The following CSMD1 variants were observed in gnomAD, a reference collection of about 807,000 sequenced individuals.
The protein encoded by CSMD1 is CUB and sushi domain-containing protein 1.
A neutral mutation model predicts 417.5 loss-of-function variants in CSMD1; 213 were observed. The observed-to-expected ratio is 0.51, with a 90% CI of 0.46 to 0.57. CSMD1 has a LOEUF of 0.57. CSMD1 is among the 20% of genes least tolerant of loss of function. The pLI is 0.00. For missense variants in CSMD1, 6,923 were observed against 4,529.7 expected (o/e 1.53, Z -15.17); for synonymous variants, 2,862 against 1,736.8 (o/e 1.65, Z -16.11).
intron 4 of CSMD1, among the ~76,000 whole-genome samples, chr8:4,025,746 G>A (rs957331759): frequency 6.6e-6 from 1 of 152,138 alleles, no homozygotes; most frequent in Non-Finnish European, 1.5e-5. Context: ...CATTTTTAAT[G>A]TCAATGTGAT....
At chr8:4,047,422 A>G (rs1798203811) in intron 3 of CSMD1, among the ~76,000 whole-genome samples, 1 of 152,200 alleles carries the variant, frequency 6.6e-6, no homozygotes, top group Non-Finnish European at 1.5e-5. Flanking sequence ...ATAAATTGAA[A>G]TTAAAATGGC....
chr8:3,151,556 C>T, intron 39 of CSMD1, 43 bp from the exon 40 acceptor site: 2 of 1,293,478 alleles, frequency 1.5e-6, no homozygotes, highest in East Asian at 4.8e-5. Context: ...TCCTCACTTT[C>T]TCCCTGGAAT....
intron 2 of CSMD1, among the ~76,000 whole-genome samples, chr8:4,604,410 T>TGTGTGTGC (rs59349269): frequency 1.8e-4 from 26 of 146,152 alleles, no homozygotes; most frequent in African/African-American, 5.8e-4. Context: ...TGTGTGTGTG[T>TGTGTGTGC]GCGCGTGCGT....
At chr8:3,386,224 T>G (rs986377940) in intron 18 of CSMD1, among the ~76,000 whole-genome samples, 1 of 152,206 alleles carries the variant, frequency 6.6e-6, no homozygotes, top group Non-Finnish European at 1.5e-5. Flanking sequence ...ATTCAGAAAC[T>G]TAGCAGAAAG....
chr8:3,726,317 C>T (rs1029191451), intron 6 of CSMD1, among the ~76,000 whole-genome samples: 2 of 152,200 alleles, frequency 1.3e-5, no homozygotes, highest in Non-Finnish European at 2.9e-5. Context: ...CACCTTTCTT[C>T]ATTAGGCCAA....
intron 3 of CSMD1, among the ~76,000 whole-genome samples, chr8:4,180,956 G>A (rs944735495): frequency 1.3e-5 from 2 of 151,998 alleles, no homozygotes; most frequent in African/African-American, 4.8e-5. Context: ...ATTAAGCCGG[G>A]GATGATGCTG....
At chr8:4,661,201 C>G (rs1038945248) in intron 1 of CSMD1, among the ~76,000 whole-genome samples, 2 of 152,152 alleles carry the variant, frequency 1.3e-5, no homozygotes, top group African/African-American at 2.4e-5. Flanking sequence ...TAAGCAAAAA[C>G]TGAAACAGCC....
chr8:4,992,688 G>A (rs1484999576), intron 1 of CSMD1, among the ~76,000 whole-genome samples: 5 of 152,212 alleles, frequency 3.3e-5, no homozygotes, highest in Non-Finnish European at 7.3e-5. Flanking sequence ...GTCCAGTGCT[G>A]ACCAGAGGCC....
chr8:4,715,892 T>C (rs1187166062), intron 1 of CSMD1, among the ~76,000 whole-genome samples: 1 of 152,232 alleles, frequency 6.6e-6, no homozygotes, highest in African/African-American at 2.4e-5. Context: ...GGCTCTGTCC[T>C]GGTTCCTCTA....
chr8:4,150,819 G>C (rs549633083), intron 3 of CSMD1, among the ~76,000 whole-genome samples: 58 of 152,184 alleles, frequency 3.8e-4, no homozygotes, highest in African/African-American at 1.3e-3. Context: ...GTTGGGAGAA[G>C]ACAGGGAGGG....
intron 7 of CSMD1, among the ~76,000 whole-genome samples, chr8:3,670,114 T>G (rs2117517208): frequency 6.6e-6 from 1 of 152,100 alleles, no homozygotes; most frequent in Non-Finnish European, 1.5e-5. Flanking sequence ...GTGTTGATCC[T>G]GGGTGTGTCT....
At chr8:3,781,536 T>G (rs1204015745) in intron 5 of CSMD1, among the ~76,000 whole-genome samples, 5 of 152,162 alleles carry the variant, frequency 3.3e-5, no homozygotes, top group Admixed American at 6.5e-5. Context: ...ATATATGGTC[T>G]ATCTGCTTAC....
chr8:3,756,806 T>TTA, intron 5 of CSMD1, among the ~76,000 whole-genome samples: 1 of 152,204 alleles, frequency 6.6e-6, no homozygotes, highest in South Asian at 2.1e-4. Flanking sequence ...GAATTTTTTT[T>TTA]TTTTCTTGAG....
At chr8:3,119,479 T>C (rs924628423) in intron 41 of CSMD1, among the ~76,000 whole-genome samples, 3 of 151,824 alleles carry the variant, frequency 2.0e-5, no homozygotes, top group Non-Finnish European at 2.9e-5. Flanking sequence ...TTATTGTGCT[T>C]TATCATTCAG....
intron 1 of CSMD1, among the ~76,000 whole-genome samples, chr8:4,827,735 C>T (rs771580829): frequency 3.3e-5 from 5 of 152,140 alleles, no homozygotes; most frequent in Non-Finnish European, 7.4e-5. Context: ...ATGTGTTTTA[C>T]TCCACTGTTA....
chr8:2,979,063 C>A (rs141418019), intron 54 of CSMD1, among the ~76,000 whole-genome samples: 8 of 152,248 alleles, frequency 5.3e-5, no homozygotes, highest in Admixed American at 5.2e-4. Flanking sequence ...GTTTATTCAA[C>A]GTAAATTCTG....
At chr8:4,897,392 G>A (rs1324239699) in intron 1 of CSMD1, among the ~76,000 whole-genome samples, 2 of 151,968 alleles carry the variant, frequency 1.3e-5, no homozygotes, top group East Asian at 1.9e-4. Context: ...CCATTCAACA[G>A]GAAAAAAGTT....
intron 9 of CSMD1, among the ~76,000 whole-genome samples, chr8:3,581,546 T>G (rs1800383483): frequency 6.6e-6 from 1 of 152,158 alleles, no homozygotes; most frequent in Non-Finnish European, 1.5e-5. Context: ...ATATTCCTGC[T>G]CCAGAGAAGG....
At chr8:4,440,368 T>G (rs1330976215) in intron 2 of CSMD1, among the ~76,000 whole-genome samples, 1 of 152,224 alleles carries the variant, frequency 6.6e-6, no homozygotes, top group Non-Finnish European at 1.5e-5. Context: ...TATGCAATTA[T>G]ACAATGAATA....
Sources: allele counts gnomAD v4.1 joint callset (sites outside exome capture counted in the v4.1 genomes callset), GRCh38; gene constraint gnomAD v4.1.1; transcripts MANE v1.5; gene names NCBI Gene and HGNC (gene_info 2026-07-23, HGNC 2026-07-21).